The following SHQ1 variants were observed in gnomAD, a reference collection of about 807,000 sequenced individuals.
The protein encoded by SHQ1 is SHQ1, H/ACA ribonucleoprotein assembly factor, also known as protein SHQ1 homolog.
In SHQ1, 49 loss-of-function variants were observed where a neutral mutation model predicts 53.8. That is an observed-to-expected ratio of 0.91 (90% confidence interval 0.72 to 1.16). SHQ1 has a LOEUF of 1.16. Ranked by LOEUF, SHQ1 falls within the 50% of genes most tolerant of loss-of-function variation. The pLI, the probability that SHQ1 is intolerant of heterozygous loss-of-function variation, is 0.00. For missense variants in SHQ1, 738 were observed against 683.1 expected, an observed-to-expected ratio of 1.08 and a Z score of -0.90; for synonymous variants, 243 against 251.0, an observed-to-expected ratio of 0.97 and a Z score of 0.30.
the SHQ1 span, among the ~76,000 whole-genome samples, chr3:72,736,791 TCAA>T: frequency 1.5e-4 from 2 of 13,560 alleles, no homozygotes; most frequent in Non-Finnish European, 2.2e-4. Context: ...AGACTCCGTT[TCAA>T]AAAAAAAAAA....
intron 9 of SHQ1, among the ~76,000 whole-genome samples, chr3:72,808,340 C>A (rs1707018296): frequency 1.3e-5 from 2 of 152,194 alleles, no homozygotes; most frequent in Admixed American, 1.3e-4. Context: ...TCCCACAACC[C>A]ACTCTGGACT....
At chr3:72,814,001 T>C (rs1459252741) in intron 8 of SHQ1, among the ~76,000 whole-genome samples, 1 of 151,610 alleles carries the variant, frequency 6.6e-6, no homozygotes, top group Admixed American at 6.6e-5. Flanking sequence ...CAAAAGAAAA[T>C]TTCCACAAAA....
the SHQ1 span, among the ~76,000 whole-genome samples, chr3:72,742,202 A>G: frequency 7.0e-6 from 1 of 143,030 alleles, no homozygotes; most frequent in Admixed American, 6.9e-5. Context: ...TATCTCTTAA[A>G]AAAAAAAAAA....
intron 4 of SHQ1, among the ~76,000 whole-genome samples, chr3:72,838,153 T>A (rs2106945887): frequency 6.6e-6 from 1 of 152,374 alleles, no homozygotes; most frequent in Middle Eastern, 3.4e-3. Context: ...AGGAAATTTT[T>A]GAATACGTAC....
chr3:72,736,998 G>T, the SHQ1 span, among the ~76,000 whole-genome samples: 1 of 151,932 alleles, frequency 6.6e-6, no homozygotes, highest in Non-Finnish European at 1.5e-5. Flanking sequence ...GGCCGGGGGT[G>T]GTGGCTCATG....
intron 2 of SHQ1, 47 bp from the exon 3 acceptor site, chr3:72,842,449 C>G (rs960066000): frequency 2.5e-6 from 4 of 1,570,690 alleles, no homozygotes; most frequent in Non-Finnish European, 3.5e-6. Flanking sequence ...ATTTAAAAAG[C>G]TGGGCACAAT....
chr3:72,751,187 G>T (rs1443689922), intron 10 of SHQ1, among the ~76,000 whole-genome samples: 1 of 152,126 alleles, frequency 6.6e-6, no homozygotes, highest in Non-Finnish European at 1.5e-5. Context: ...GAGGCGGGTG[G>T]ATCACCTGAG....
intron 9 of SHQ1, among the ~76,000 whole-genome samples, chr3:72,796,101 CAAA>C (rs555086403): frequency 4.9e-5 from 2 of 40,530 alleles, no homozygotes; most frequent in Admixed American, 2.6e-4. Flanking sequence ...GACTCCATCT[CAAA>C]AAAAAAAAAA....
chr3:72,736,520 G>C, the SHQ1 span, among the ~76,000 whole-genome samples: 1 of 151,528 alleles, frequency 6.6e-6, no homozygotes, highest in Non-Finnish European at 1.5e-5. Flanking sequence ...GCTGGGCACG[G>C]TGGCACATGC....
chr3:72,770,083 A>G (rs530773889), intron 10 of SHQ1, among the ~76,000 whole-genome samples: 1 of 152,346 alleles, frequency 6.6e-6, no homozygotes, highest in East Asian at 1.9e-4. Flanking sequence ...TATTATTGTT[A>G]TGGACTGATT....
chr3:72,824,983 T>C (rs1254374352), intron 5 of SHQ1, among the ~76,000 whole-genome samples: 1 of 151,990 alleles, frequency 6.6e-6, no homozygotes, highest in Non-Finnish European at 1.5e-5. Context: ...TATTTTTTCA[T>C]AGAAACAGGG....
Position 72,750,062 on chromosome 3 carries a change from G to A in SHQ1, c.*222C>T, listed in dbSNP as rs901376150. Reference sequence around the variant, plus strand: ...TAGTTGTCATACTGTATTATTTAGAGAATAATAACAAGAAAAAAGTCTGTA... The same window carrying A: ...TAGTTGTCATACTGTATTATTTAGAAAATAATAACAAGAAAAAAGTCTGTA... On this transcript the variant is annotated 3_prime_UTR_variant, in exon 11 of 11. Coordinates refer to ENST00000325599, the MANE Select transcript of SHQ1 (RefSeq NM_018130.3). 1.1e-5 allele frequency: 6 copies of A among 538,764 alleles called. No individual in the cohort carries two copies. Among genetic ancestry groups the A allele is most frequent in the African/African-American group, 1.9e-5 (1 of 52,526 alleles). 33.4% of individuals were successfully genotyped at this position (538,764 alleles called of 1,614,324 possible). A position where few individuals can be genotyped will look rare whatever the true frequency, so the allele number is the denominator to read the frequency against.
intron 2 of SHQ1, 111 bp downstream of exon 2, chr3:72,844,248 A>G: frequency 1.2e-6 from 1 of 832,696 alleles, no homozygotes; most frequent in Non-Finnish European, 2.0e-6. Flanking sequence ...TGATAGGAAC[A>G]GATTGTATTT....
rs570610388 is a variant in SHQ1, at chr3:72,765,724, T to C, written c.1182-14888A>G. On this transcript the variant is annotated intron_variant, in intron 10 of 10. Coordinates refer to ENST00000325599, the MANE Select transcript of SHQ1 (RefSeq NM_018130.3). ...ACGTGCCACTACACCCAGCTAATTT[T>C]TGTATTTTAGTAGAGACGGGGTTTC... 2.0e-5 allele frequency among the ~76,000 whole-genome samples: 3 copies of C among 151,690 alleles called. No homozygotes were observed. The East Asian group carries it at 5.8e-4, about 29-fold the overall frequency.
intron 10 of SHQ1, among the ~76,000 whole-genome samples, chr3:72,751,498 G>GTACATATATATATATATATA (rs1274696079): frequency 2.5e-5 from 3 of 119,862 alleles, no homozygotes; most frequent in African/African-American, 8.2e-5. Context: ...GTGTGTGTGT[G>GTACATATATATATATATATA]TGTGTGTGTG....
chr3:72,769,526 C>T (rs1296150335), intron 10 of SHQ1, among the ~76,000 whole-genome samples: 2 of 152,278 alleles, frequency 1.3e-5, no homozygotes, highest in East Asian at 3.9e-4. Context: ...TGGGATTTGC[C>T]TCAAGTTGCA....
At chr3:72,786,866 T>C (rs1422085960) in intron 10 of SHQ1, among the ~76,000 whole-genome samples, 1 of 152,212 alleles carries the variant, frequency 6.6e-6, no homozygotes, top group Non-Finnish European at 1.5e-5. Context: ...CCTCTGCATA[T>C]GAGTCTCTCT....
intron 10 of SHQ1, among the ~76,000 whole-genome samples, chr3:72,758,571 T>TTC (rs1553688748): frequency 1.4e-5 from 2 of 146,690 alleles, no homozygotes; most frequent in African/African-American, 5.1e-5. Context: ...TTTTTTCTTT[T>TTC]TTTTTTTTTT....
chr3:72,848,168 C>CT, intron 1 of SHQ1, 30 bp downstream of exon 1: 1 of 1,613,950 alleles, frequency 6.2e-7, no homozygotes. Flanking sequence ...ACGAATGCGC[C>CT]TTTCCTGCGG....
Sources: gnomAD v4.1 joint callset for allele counts (sites outside exome capture counted in the v4.1 genomes callset) on GRCh38, gnomAD v4.1.1 for gene constraint, MANE v1.5 for transcripts, NCBI Gene and HGNC (gene_info 2026-07-23, HGNC 2026-07-21) for gene names.